Variants in ADAM29 observed in about 807,000 individuals in gnomAD.
ADAM29 encodes the protein ADAM metallopeptidase domain 29.
For missense variants in ADAM29, 969 were observed against 1,001.8 expected (o/e 0.97, Z 0.44); for synonymous variants, 367 against 342.3 (o/e 1.07, Z -0.80).
intron 4 of ADAM29, among the ~76,000 whole-genome samples, chr4:174,970,749 G>A (rs1746426402): frequency 6.6e-6 from 1 of 151,992 alleles, no homozygotes; most frequent in Admixed American, 6.6e-5. Flanking sequence ...AATCTATATT[G>A]TTGCCAAAAC....
chr4:174,934,228 G>A (rs1744073630), intron 3 of ADAM29, among the ~76,000 whole-genome samples: 1 of 151,996 alleles, frequency 6.6e-6, no homozygotes, highest in Admixed American at 6.6e-5. Context: ...GTCATATTGA[G>A]CTTTTTTTCA....
intron 2 of ADAM29, among the ~76,000 whole-genome samples, chr4:174,923,389 T>A (rs1371477790): frequency 6.6e-6 from 1 of 151,704 alleles, no homozygotes; most frequent in African/African-American, 2.4e-5. Flanking sequence ...ATGGCCACTT[T>A]GTCATTGACA....
At chr4:174,953,371 C>T (rs1745302327) in intron 4 of ADAM29, among the ~76,000 whole-genome samples, 1 of 152,092 alleles carries the variant, frequency 6.6e-6, no homozygotes, top group Non-Finnish European at 1.5e-5. Flanking sequence ...ATAAATTATT[C>T]TTTACTAAAG....
chr4:174,971,474 A>G (rs1392659136), intron 4 of ADAM29, among the ~76,000 whole-genome samples: 1 of 152,144 alleles, frequency 6.6e-6, no homozygotes, highest in Non-Finnish European at 1.5e-5. Flanking sequence ...ATTAAAGGCC[A>G]GGTATAGTGT....
chr4:174,962,478 C>G (rs542460026), intron 4 of ADAM29, among the ~76,000 whole-genome samples: 5 of 149,572 alleles, frequency 3.3e-5, no homozygotes, highest in Admixed American at 1.3e-4. Context: ...CGCCACTGCA[C>G]TCCAGCCTGG....
chr4:174,938,123 A>G (rs1744306069), intron 4 of ADAM29, among the ~76,000 whole-genome samples: 1 of 152,138 alleles, frequency 6.6e-6, no homozygotes, highest in Non-Finnish European at 1.5e-5. Context: ...GGGTCTCTAA[A>G]TACAAATGAA....
chr4:174,940,769 C>G lies in ADAM29; in HGVS notation c.-181+3756C>G, dbSNP rs545639463. On this transcript the variant is annotated intron_variant, in intron 4 of 4. Coordinates refer to ENST00000359240, the MANE Select transcript of ADAM29 (RefSeq NM_014269.4). The stretch of plus-strand genomic sequence containing the variant: ...TTGACTTTATATGTGACATTTTCAG[C>G]ATGGTCATGATTATACATTCCATTT... Among the ~76,000 whole-genome samples the G allele has an allele frequency of 3.3e-5, 5 of 152,132 alleles. No homozygotes were observed. In the East Asian group the frequency reaches 9.7e-4, roughly 29 times the overall value.
intron 2 of ADAM29, among the ~76,000 whole-genome samples, chr4:174,929,992 G>A (rs1207536217): frequency 1.3e-5 from 2 of 152,108 alleles, no homozygotes; most frequent in African/African-American, 4.8e-5. Flanking sequence ...GCAGTGGCCT[G>A]ATCTCTGCTC....
chr4:174,923,450 T>C (rs913682078), intron 2 of ADAM29, among the ~76,000 whole-genome samples: 11 of 150,354 alleles, frequency 7.3e-5, no homozygotes, highest in Non-Finnish European at 1.5e-4. Context: ...AGGAGCTGTT[T>C]CTTCAGATCA....
chr4:174,954,055 C>T (rs1396606932), intron 4 of ADAM29, among the ~76,000 whole-genome samples: 1 of 152,140 alleles, frequency 6.6e-6, no homozygotes, highest in Non-Finnish European at 1.5e-5. Flanking sequence ...CATTTCCATT[C>T]TGCCATTATA....
At chr4:174,924,119 T>C (rs770674957) in intron 2 of ADAM29, 2 of 152,184 alleles carry the variant, frequency 1.3e-5, no homozygotes, top group Non-Finnish European at 2.9e-5. Context: ...TACTTTATTG[T>C]AAATCATACC....
intron 2 of ADAM29, among the ~76,000 whole-genome samples, chr4:174,928,294 G>A (rs1474950430): frequency 6.6e-6 from 1 of 152,060 alleles, no homozygotes; most frequent in Non-Finnish European, 1.5e-5. Flanking sequence ...GTCAGGGTGG[G>A]GGAGCTGAGA....
At chr4:174,938,382 T>C (rs1209218040) in intron 4 of ADAM29, among the ~76,000 whole-genome samples, 3 of 151,922 alleles carry the variant, frequency 2.0e-5, no homozygotes, top group African/African-American at 7.2e-5. Flanking sequence ...TAAACCAAAA[T>C]ATTAGAGAAG....
At chr4:174,924,915 C>T (rs1486745164) in intron 2 of ADAM29, among the ~76,000 whole-genome samples, 2 of 152,148 alleles carry the variant, frequency 1.3e-5, no homozygotes, top group Non-Finnish European at 2.9e-5. Context: ...GACAAATCTA[C>T]CTAAGCCCGA....
chr4:174,920,273 A>G (rs2110883873), intron 1 of ADAM29, among the ~76,000 whole-genome samples: 1 of 152,318 alleles, frequency 6.6e-6, no homozygotes, highest in East Asian at 1.9e-4. Flanking sequence ...TTTCTACCTT[A>G]AACTTAATGG....
chr4:174,951,064 A>G (rs7436923), intron 4 of ADAM29, among the ~76,000 whole-genome samples: 2 of 152,192 alleles, frequency 1.3e-5, no homozygotes, highest in Non-Finnish European at 2.9e-5. Flanking sequence ...AGTCTCAGGT[A>G]GTTCTTTATA....
chr4:174,947,032 G>C (rs1361833513), intron 4 of ADAM29, among the ~76,000 whole-genome samples: 3 of 152,068 alleles, frequency 2.0e-5, no homozygotes, highest in Non-Finnish European at 4.4e-5. Context: ...TGTGTTCATA[G>C]AGATGTTTTT....
chr4:174,941,492 T>A (rs1334236907), intron 4 of ADAM29, among the ~76,000 whole-genome samples: 1 of 152,148 alleles, frequency 6.6e-6, no homozygotes, highest in Non-Finnish European at 1.5e-5. Context: ...CTCAAGAAAC[T>A]TACAATGATG....
chr4:174,930,105 T>C (rs1743773294), intron 2 of ADAM29, among the ~76,000 whole-genome samples: 1 of 152,104 alleles, frequency 6.6e-6, no homozygotes, highest in Admixed American at 6.5e-5. Context: ...ATTTTTTGTA[T>C]TTTTAGTAGA....
Sources: allele counts gnomAD v4.1 joint callset (sites outside exome capture counted in the v4.1 genomes callset), GRCh38; gene constraint gnomAD v4.1.1; transcripts MANE v1.5; gene names NCBI Gene and HGNC (gene_info 2026-07-23, HGNC 2026-07-21).